CYP2C19: variants seen among roughly 807,000 people sequenced by gnomAD.
The protein encoded by CYP2C19 is cytochrome P450 family 2 subfamily C member 19.
A neutral mutation model predicts 40.9 loss-of-function variants in CYP2C19; 59 were observed. The observed-to-expected ratio is 1.44, with a 90% CI of 1.17 to 1.79. CYP2C19 has a LOEUF of 1.79. CYP2C19 is among the 40% of genes most tolerant of loss of function. The pLI is 0.00. For synonymous variants in CYP2C19, 253 were observed against 208.7 expected (o/e 1.21, Z -1.83); for missense variants, 754 against 596.9 (o/e 1.26, Z -2.74).
At position 94,762,724 on chromosome 10, in the gene CYP2C19, C is replaced by A. The variant is rs764485894; in HGVS notation, c.19C>A (p.Leu7Ile). Residue 7 changes from leucine to isoleucine, a missense_variant, in exon 1 of 9, where the codon CTT (leucine) becomes ATT (isoleucine). Leu to Ile is a conservative substitution (Grantham distance 5). Coordinates refer to ENST00000371321, the MANE Select transcript of CYP2C19 (RefSeq NM_000769.4). Reference sequence around the variant, plus strand: ...GGCTTCAATGGATCCTTTTGTGGTCCTTGTGCTCTGTCTCTCATGTTTGCT... The same window carrying A: ...GGCTTCAATGGATCCTTTTGTGGTCATTGTGCTCTGTCTCTCATGTTTGCT... MDPFVV[L>I]VLCLSCLLLL... 1.2e-6 allele frequency: 2 copies of A among 1,613,640 alleles called. No individual in the cohort carries two copies. The highest frequency in any genetic ancestry group is 1.7e-4 in the Middle Eastern group (1 of 5,930).
rs113517853 is a variant in CYP2C19, at chr10:94,792,549, G to A, written c.819+10552G>A. Among the ~76,000 whole-genome samples the A allele has an allele frequency of 3.1e-3, 474 of 152,242 alleles. 3 individuals are homozygous for A. Among genetic ancestry groups the A allele is most frequent in the African/African-American group, 0.011 (451 of 41,548 alleles). On this transcript the variant is annotated intron_variant, in intron 5 of 8. Coordinates refer to ENST00000371321, the MANE Select transcript of CYP2C19 (RefSeq NM_000769.4). ...CAGGAGCTCTTGTAAGGCAGGCCTGGTGGTGACAAAATTCTTCAGCATTAG... is the reference window on the plus strand; with the variant it reads ...CAGGAGCTCTTGTAAGGCAGGCCTGATGGTGACAAAATTCTTCAGCATTAG...
chr10:94,766,722 G>T (rs576813786), intron 1 of CYP2C19, among the ~76,000 whole-genome samples: 2 of 151,994 alleles, frequency 1.3e-5, no homozygotes, highest in South Asian at 2.1e-4. Context: ...CCAACAGTTC[G>T]CAGGTGTATT....
rs908156351 is a variant in CYP2C19, at chr10:94,852,976, A to G, written c.*62A>G. The G allele has an allele frequency of 3.2e-5, 50 of 1,548,234 alleles. No individual in the cohort carries two copies. The highest frequency in any genetic ancestry group is 8.0e-5 in the South Asian group (7 of 87,910). ...CTGCAGCTCTCTTTCCTCTGGTCCA[A>G]ATTTCACTATCTGTGATGCTTCTTC... On this transcript the variant is annotated 3_prime_UTR_variant, in exon 9 of 9. Transcript: ENST00000371321.
In CYP2C19 at chr10:94,766,391, A is replaced by G. The variant is rs56949790; in HGVS notation, c.168+3518A>G. On this transcript the variant is annotated intron_variant, in intron 1 of 8. Transcript: ENST00000371321. ...GTGCTCTGGAAGATGAGATCATTTT[A>G]TCCAGGCCGAGTAAAAGGTAGGAGT... is the stretch of plus-strand genomic sequence containing the variant. 4.7e-3 allele frequency among the ~76,000 whole-genome samples: 709 copies of G among 152,228 alleles called. 3 individuals carry two copies. Among genetic ancestry groups the G allele is most frequent in the African/African-American group, 0.017 (686 of 41,544 alleles).
At chr10:94,785,882 C>A (rs1029393395) in intron 5 of CYP2C19, among the ~76,000 whole-genome samples, 10 of 152,032 alleles carry the variant, frequency 6.6e-5, no homozygotes, top group African/African-American at 2.4e-4. Flanking sequence ...TGGCGCTGGT[C>A]AAGTGGAAAG....
intron 1 of CYP2C19, among the ~76,000 whole-genome samples, chr10:94,770,053 T>C (rs1848305590): frequency 6.6e-6 from 1 of 152,186 alleles, no homozygotes. Flanking sequence ...GTAACGGACC[T>C]TGAGGACCGT....
chr10:94,853,920 A>T lies in CYP2C19; in HGVS notation c.*1006A>T, dbSNP rs1849694295. ...TTACTTTTATTACTTCATGTTTCCA[A>T]CTTAGAATGAAGTAATGAAGTATAA... On this transcript the variant is annotated 3_prime_UTR_variant, in exon 9 of 9. Coordinates refer to ENST00000371321, the MANE Select transcript of CYP2C19 (RefSeq NM_000769.4). Among the ~76,000 whole-genome samples, 2 of 151,990 alleles carry T rather than the reference A, an allele frequency of 1.3e-5. No homozygotes were observed. The highest frequency in any genetic ancestry group is 2.9e-5 in the Non-Finnish European group (2 of 67,974).
intron 5 of CYP2C19, among the ~76,000 whole-genome samples, chr10:94,816,583 T>A (rs925493747): frequency 6.6e-6 from 1 of 152,122 alleles, no homozygotes; most frequent in Admixed American, 6.5e-5. Flanking sequence ...CTCTTTCTTT[T>A]TTTTTTTATT....
rs1589381659 is a variant in CYP2C19, at chr10:94,855,513, T to C, written c.*2599T>C. 1.3e-5 allele frequency among the ~76,000 whole-genome samples: 2 copies of C among 152,240 alleles called. No individual in the cohort carries two copies. The highest frequency in any genetic ancestry group is 2.9e-5 in the Non-Finnish European group (2 of 68,052). ...TGAATACCAGCCACCTGAAACACTG[T>C]TTAGAAGATACTGGCTCAATAAATA... On this transcript the variant is annotated 3_prime_UTR_variant, in exon 9 of 9. Transcript: ENST00000371321.
intron 8 of CYP2C19, among the ~76,000 whole-genome samples, chr10:94,851,411 G>A (rs1450703892): frequency 6.6e-6 from 1 of 150,928 alleles, no homozygotes; most frequent in Non-Finnish European, 1.5e-5. Flanking sequence ...TGAGATTTGG[G>A]TAAGGACACA....
At chr10:94,774,984 A>G in intron 1 of CYP2C19, 74 bp from the exon 2 acceptor site, 2 of 1,475,112 alleles carry the variant, frequency 1.4e-6, no homozygotes, top group Non-Finnish European at 1.9e-6. Flanking sequence ...CAATGAAAAT[A>G]TGAATCTAAG....
chr10:94,797,161 G>A lies in CYP2C19; in HGVS notation c.819+15164G>A, dbSNP rs143433731. Among the ~76,000 whole-genome samples the A allele has an allele frequency of 4.8e-3, 736 of 151,998 alleles. 12 individuals are homozygous for A. Among genetic ancestry groups the A allele is most frequent in the African/African-American group, 0.011 (472 of 41,430 alleles). On this transcript the variant is annotated intron_variant, in intron 5 of 8. Coordinates refer to ENST00000371321, the MANE Select transcript of CYP2C19 (RefSeq NM_000769.4). ...AATAGCTCTTATTATTTTTAGATAC[G>A]TCCCATCAATACCTAATTTATTGAG...
Position 94,763,909 on chromosome 10 carries a change from A to G in CYP2C19, c.168+1036A>G, listed in dbSNP as rs112095385. Among the ~76,000 whole-genome samples the G allele has an allele frequency of 5.6e-3, 854 of 152,188 alleles. 13 individuals are homozygous for G. Among genetic ancestry groups the G allele is most frequent in the African/African-American group, 0.019 (783 of 41,540 alleles). ...TTTGTTCCTTCAGATGTTCAGATGC[A>G]TCTGGAGTTTCTTCCTTCTGCTGGG... On this transcript the variant is annotated intron_variant, in intron 1 of 8. Transcript: ENST00000371321.
Position 94,820,595 on chromosome 10 carries a change from A to C in CYP2C19, c.919A>C (p.Arg307=). The C allele has an allele frequency of 6.2e-7, 1 of 1,614,186 alleles. No homozygotes were observed. Among genetic ancestry groups the C allele is most frequent in the Non-Finnish European group, 8.5e-7 (1 of 1,180,038 alleles). The part of the protein sequence containing the change: ...AGTETTSTTL[R]YALLLLLKHP... ...GACAGAGACAACAAGCACAACCCTG[A>C]GATATGCTCTCCTTCTCCTGCTGAA... Residue 307 remains arginine, a synonymous_variant, in exon 6 of 9, where the codon AGA becomes CGA. Transcript: ENST00000371321.
chr10:94,839,675 C>T (rs965135287), intron 6 of CYP2C19, among the ~76,000 whole-genome samples: 6 of 152,204 alleles, frequency 3.9e-5, no homozygotes, highest in African/African-American at 9.7e-5. Context: ...GCAAAGAGTT[C>T]GCACTTTTGA....
intron 3 of CYP2C19, chr10:94,776,473 T>C (rs951103573): frequency 2.6e-5 from 4 of 152,148 alleles, no homozygotes; most frequent in African/African-American, 9.7e-5. Context: ...TAAATTCTGT[T>C]TTCCAAATGA....
intron 3 of CYP2C19, among the ~76,000 whole-genome samples, chr10:94,779,703 G>A (rs574258504): frequency 7.4e-4 from 113 of 151,758 alleles, no homozygotes; most frequent in African/African-American, 2.5e-3. Flanking sequence ...TGGGATTACA[G>A]GCACCCACCA....
intron 1 of CYP2C19, among the ~76,000 whole-genome samples, chr10:94,769,057 A>G (rs1467990826): frequency 6.6e-6 from 1 of 152,136 alleles, no homozygotes; most frequent in South Asian, 2.1e-4. Context: ...GGGTGAGGAT[A>G]AGCCAGTATA....
chr10:94,852,607 C>G, intron 8 of CYP2C19, 126 bp from the exon 9 acceptor site: 1 of 988,916 alleles, frequency 1.0e-6, no homozygotes, highest in Non-Finnish European at 1.5e-6. Flanking sequence ...CATCTATCTA[C>G]TCATCCCTCC....
Sources: allele counts gnomAD v4.1 joint callset (sites outside exome capture counted in the v4.1 genomes callset), GRCh38; gene constraint gnomAD v4.1.1; transcripts MANE v1.5; gene names NCBI Gene and HGNC (gene_info 2026-07-23, HGNC 2026-07-21).